LGR4: variants seen among roughly 807,000 people sequenced by gnomAD.
LGR4 encodes the protein leucine rich repeat containing G protein-coupled receptor 4, also known as leucine-rich repeat-containing G protein-coupled receptor 4.
Under a neutral mutation model 84.8 loss-of-function variants are expected in LGR4, and 44 were observed. The ratio of observed to expected loss-of-function variants is 0.52; its 90% CI spans 0.41 to 0.67. LGR4 has a LOEUF of 0.67. Ranked by LOEUF, LGR4 falls within the 30% of genes least tolerant of loss-of-function variation. LGR4 has a pLI of 0.00. For synonymous variants in LGR4, 429 were observed against 434.3 expected (o/e 0.99, Z 0.15); for missense variants, 1,032 against 1,131.4 (o/e 0.91, Z 1.26).
Position 27,385,461 on chromosome 11 carries a change from C to G in LGR4, c.409G>C (p.Asp137His), listed in dbSNP as rs1381267350. The G allele has an allele frequency of 6.3e-7, 1 of 1,598,918 alleles. No individual in the cohort carries two copies. Among genetic ancestry groups the G allele is most frequent in the South Asian group, 1.1e-5 (1 of 88,184 alleles). Residue 137 changes from aspartate to histidine, a missense_variant, in exon 5 of 18, where the codon GAT becomes CAT. Coordinates refer to ENST00000379214, the MANE Select transcript of LGR4 (RefSeq NM_018490.5). ...GGGACTGAGGTAATATGGTTGGCATCTAAACGCCTAACAGAAACAAAAACA... is the reference window on the plus strand; with the variant it reads ...GGGACTGAGGTAATATGGTTGGCATGTAAACGCCTAACAGAAACAAAAACA... ...GLSALQSLRL[D>H]ANHITSVPED...
intron 12 of LGR4, among the ~76,000 whole-genome samples, 195 bp from the exon 13 acceptor site, chr11:27,376,565 A>T (rs1009604891): frequency 1.1e-4 from 16 of 152,232 alleles, no homozygotes; most frequent in African/African-American, 3.9e-4. Flanking sequence ...TTGTTGAAAG[A>T]GAATTGCCCT....
Position 27,412,799 on chromosome 11 carries a change from GA to G in LGR4, c.246del (p.Leu83Ter), listed in dbSNP as rs767493547. 1 of 1,581,096 alleles carries G rather than the reference GA, an allele frequency of 6.3e-7. No homozygotes were observed. Among genetic ancestry groups the G allele is most frequent in the Non-Finnish European group, 8.7e-7 (1 of 1,150,574 alleles). On this transcript the variant is annotated frameshift_variant, in exon 2 of 18. Transcript: ENST00000379214. LOFTEE classifies it high-confidence loss of function. ...LPEDAFKNFP[F>X]LEELQLAGND... ...CAAAGTAATACTTACAGCTCTTCTA[GA>G]AAAGGAAAGTTCTTAAATGCATCTT...
chr11:27,419,274 C>A (rs57971069), intron 1 of LGR4, among the ~76,000 whole-genome samples: 4,542 of 151,970 alleles, frequency 0.03, 207 homozygotes, highest in African/African-American at 0.1. Context: ...GATACTTCAC[C>A]AAATAAGATA....
At chr11:27,425,337 TG>T (rs1336930221) in intron 1 of LGR4, among the ~76,000 whole-genome samples, 3 of 148,978 alleles carry the variant, frequency 2.0e-5, no homozygotes, top group Non-Finnish European at 4.5e-5. Context: ...TTTTTTTTTT[TG>T]TTTTTTTTTT....
chr11:27,420,337 G>A (rs1863904927), intron 1 of LGR4, among the ~76,000 whole-genome samples: 1 of 152,034 alleles, frequency 6.6e-6, no homozygotes, highest in Admixed American at 6.6e-5. Flanking sequence ...TCTCTTTACT[G>A]AGCACCTATT....
rs1864899860 is a variant in LGR4 at position 27,472,519 on chromosome 11, C to G, written c.-217G>C. 2.6e-6 allele frequency: 1 copy of G among 389,766 alleles called. No individual in the cohort carries two copies. Among genetic ancestry groups the G allele is most frequent in the Non-Finnish European group, 4.5e-6 (1 of 221,674 alleles). 24.1% of individuals were successfully genotyped at this position (389,766 alleles called of 1,614,324 possible). On this transcript the variant is annotated 5_prime_UTR_variant, in exon 1 of 18. Transcript: ENST00000379214. ...CCCTTCCCGCTGCTCCATGGACGCGCAGAGGCAGCCCCGCTCCTCCGGCGG... is the reference window on the plus strand; with the variant it reads ...CCCTTCCCGCTGCTCCATGGACGCGGAGAGGCAGCCCCGCTCCTCCGGCGG...
At chr11:27,461,345 A>T (rs75401191) in intron 1 of LGR4, among the ~76,000 whole-genome samples, 1 of 144,972 alleles carries the variant, frequency 6.9e-6, no homozygotes, top group South Asian at 2.2e-4. Flanking sequence ...TCCATAAATT[A>T]AAAAAAAAAA....
chr11:27,472,213 C>A lies in LGR4; in HGVS notation c.90G>T (p.Ala30=), dbSNP rs1287063046. The A allele has an allele frequency of 5.1e-6, 7 of 1,367,010 alleles. No individual in the cohort carries two copies. Among genetic ancestry groups the A allele is most frequent in the Admixed American group, 6.0e-5 (2 of 33,322 alleles). 84.7% of individuals were successfully genotyped at this position (1,367,010 alleles called of 1,614,324 possible). A position where few individuals can be genotyped will look rare whatever the true frequency, so the allele number is the denominator to read the frequency against. ...GPSGAAPPLC[A]APCSCDGDRR... Reference sequence around the variant, plus strand: ...GGTCGCCGTCGCAGCTGCAGGGCGCCGCGCAGAGAGGCGGCGCCGCGCCGC... The same window carrying A: ...GGTCGCCGTCGCAGCTGCAGGGCGCAGCGCAGAGAGGCGGCGCCGCGCCGC... Residue 30 remains alanine (A), a synonymous_variant, in exon 1 of 18, where the codon GCG becomes GCT. Coordinates refer to ENST00000379214, the MANE Select transcript of LGR4 (RefSeq NM_018490.5).
intron 13 of LGR4, among the ~76,000 whole-genome samples, chr11:27,375,121 C>CA (rs539252061): frequency 0.071 from 8,730 of 123,742 alleles, 311 homozygotes; most frequent in African/African-American, 0.088. Context: ...CCATCTCTAC[C>CA]AAAAAAAAAA....
At chr11:27,376,433 A>T in intron 12 of LGR4, 63 bp from the exon 13 acceptor site, 3 of 836,934 alleles carry the variant, frequency 3.6e-6, no homozygotes, top group Non-Finnish European at 5.7e-6. Flanking sequence ...CAGGAGGAGG[A>T]GGAAAGAGAA....
Position 27,436,674 on chromosome 11 carries a change from T to C in LGR4, c.186-23814A>G, listed in dbSNP as rs78453265. The stretch of plus-strand genomic sequence containing the variant: ...ATAAATCATGATAGCAGTAAAGATA[T>C]TTTCTATAAGCCCTACAATTTTTGT... On this transcript the variant is annotated intron_variant, in intron 1 of 17. Transcript: ENST00000379214. Among the ~76,000 whole-genome samples, 655 of 152,248 alleles carry C rather than the reference T, an allele frequency of 4.3e-3. 21 individuals are homozygous for C. The East Asian group carries it at 0.076, about 18-fold the overall frequency.
chr11:27,399,922 T>C (rs1337923610), intron 2 of LGR4, among the ~76,000 whole-genome samples: 1 of 152,210 alleles, frequency 6.6e-6, no homozygotes. Flanking sequence ...TGTTGGCTCC[T>C]GTGAGAAATA....
intron 2 of LGR4, among the ~76,000 whole-genome samples, chr11:27,412,579 T>C (rs1590373128): frequency 6.6e-6 from 1 of 152,120 alleles, no homozygotes; most frequent in East Asian, 1.9e-4. Flanking sequence ...ATTTTTTTAG[T>C]TATGGCTTTC....
intron 3 of LGR4, among the ~76,000 whole-genome samples, chr11:27,391,713 A>C (rs970270015): frequency 6.6e-6 from 1 of 152,176 alleles, no homozygotes; most frequent in African/African-American, 2.4e-5. Flanking sequence ...ATCATCTACT[A>C]GTTAGGGCCT....
chr11:27,403,030 C>G (rs1863533723), intron 2 of LGR4, among the ~76,000 whole-genome samples: 1 of 152,216 alleles, frequency 6.6e-6, no homozygotes, highest in Non-Finnish European at 1.5e-5. Flanking sequence ...TTTAAAGACA[C>G]TGTTACTTGG....
chr11:27,425,028 G>A (rs868209126), intron 1 of LGR4, among the ~76,000 whole-genome samples: 5 of 152,060 alleles, frequency 3.3e-5, no homozygotes, highest in African/African-American at 7.2e-5. Flanking sequence ...GATTATAGGC[G>A]TGAGACACCT....
chr11:27,435,362 A>ACAACAG (rs1864190331), intron 1 of LGR4, among the ~76,000 whole-genome samples: 1 of 151,874 alleles, frequency 6.6e-6, no homozygotes, highest in Non-Finnish European at 1.5e-5. Context: ...AACAACAACA[A>ACAACAG]CAACAAAAAC....
At chr11:27,468,728 G>T (rs1864821980) in intron 1 of LGR4, among the ~76,000 whole-genome samples, 1 of 150,904 alleles carries the variant, frequency 6.6e-6, no homozygotes, top group African/African-American at 2.4e-5. Context: ...TGAATGACTT[G>T]CCCAAGGCCA....
chr11:27,399,348 C>T (rs370902281), intron 2 of LGR4, among the ~76,000 whole-genome samples: 18 of 152,006 alleles, frequency 1.2e-4, no homozygotes, highest in African/African-American at 3.9e-4. Context: ...ACCACAGTGC[C>T]GCATATGTGT....
Sources: gnomAD v4.1 joint callset for allele counts (sites outside exome capture counted in the v4.1 genomes callset) on GRCh38, gnomAD v4.1.1 for gene constraint, MANE v1.5 for transcripts, NCBI Gene and HGNC (gene_info 2026-07-23, HGNC 2026-07-21) for gene names.